PDE1C: variants seen among roughly 807,000 people sequenced by gnomAD.
The protein encoded by PDE1C is dual specificity calcium/calmodulin-dependent 3',5'-cyclic nucleotide phosphodiesterase 1C.
A neutral mutation model predicts 93.1 loss-of-function variants in PDE1C; 62 were observed. The ratio of observed to expected loss-of-function variants is 0.67; its 90% CI spans 0.54 to 0.82. PDE1C has a LOEUF of 0.82. PDE1C is among the 40% of genes least tolerant of loss of function. The probability of loss-of-function intolerance (pLI) is 0.00; values close to 1 mark genes in which losing one functional copy is unlikely to be tolerated. For missense variants in PDE1C, 742 were observed against 884.6 expected (o/e 0.84, Z 2.04); for synonymous variants, 325 against 310.1 (o/e 1.05, Z -0.50).
intron 1 of PDE1C, among the ~76,000 whole-genome samples, chr7:32,415,551 G>A (rs1480691106): frequency 1.3e-5 from 2 of 152,178 alleles, no homozygotes; most frequent in African/African-American, 4.8e-5. Flanking sequence ...ATTGGGGATT[G>A]TTTCATTATG....
At chr7:31,618,983 C>A in the PDE1C span, among the ~76,000 whole-genome samples, 5 of 152,268 alleles carry the variant, frequency 3.3e-5, no homozygotes, top group Middle Eastern at 3.4e-3. Context: ...CTGTGGAAGA[C>A]CTGATTCTTC....
At chr7:32,131,513 A>T (rs971345502) in intron 3 of PDE1C, among the ~76,000 whole-genome samples, 13 of 152,138 alleles carry the variant, frequency 8.5e-5, no homozygotes, top group Admixed American at 6.5e-5. Flanking sequence ...TCCAATAATG[A>T]ATCAGTGACC....
intron 16 of PDE1C, among the ~76,000 whole-genome samples, 193 bp from the exon 17 acceptor site, chr7:31,775,925 G>A (rs1795797725): frequency 6.6e-6 from 1 of 152,190 alleles, no homozygotes; most frequent in Non-Finnish European, 1.5e-5. Context: ...CTTTGTGTGT[G>A]TGACAGTACG....
At chr7:32,007,121 C>T (rs560809597) in intron 2 of PDE1C, among the ~76,000 whole-genome samples, 1 of 152,152 alleles carries the variant, frequency 6.6e-6, no homozygotes, top group Admixed American at 6.5e-5. Context: ...CCATCAGCAA[C>T]CTATTTTTTA....
rs375468573 is a variant in PDE1C at position 32,067,042 on chromosome 7, C to T, written c.101+3251G>A. Reference sequence around the variant, plus strand: ...CTGGAAATCACAGCTAGCCTCTGAGCGTTAGTGTGCAGAACCTCGCTCAAG... The same window carrying T: ...CTGGAAATCACAGCTAGCCTCTGAGTGTTAGTGTGCAGAACCTCGCTCAAG... On this transcript the variant is annotated intron_variant, in intron 1 of 17. Transcript: ENST00000396191. 9.2e-5 allele frequency among the ~76,000 whole-genome samples: 14 copies of T among 152,294 alleles called. No individual in the cohort carries two copies. The East Asian group carries it at 2.3e-3, about 25-fold the overall frequency.
intron 2 of PDE1C, among the ~76,000 whole-genome samples, chr7:32,192,737 A>G (rs1394401082): frequency 6.6e-6 from 1 of 152,150 alleles, no homozygotes; most frequent in African/African-American, 2.4e-5. Flanking sequence ...GGATCTTGAT[A>G]GAAATTGTGT....
chr7:31,738,441 T>G, the PDE1C span, among the ~76,000 whole-genome samples: 1 of 152,176 alleles, frequency 6.6e-6, no homozygotes, highest in Non-Finnish European at 1.5e-5. Flanking sequence ...CCGAGACTTA[T>G]TCACTACCAT....
intron 16 of PDE1C, among the ~76,000 whole-genome samples, chr7:31,792,519 A>G (rs1341072733): frequency 6.6e-6 from 1 of 152,114 alleles, no homozygotes; most frequent in East Asian, 1.9e-4. Flanking sequence ...ATTTTATTCA[A>G]TAGTAAGGTA....
At chr7:31,870,166 TAAAC>T (rs1356018987) in intron 6 of PDE1C, among the ~76,000 whole-genome samples, 1 of 151,650 alleles carries the variant, frequency 6.6e-6, no homozygotes, top group Non-Finnish European at 1.5e-5. Flanking sequence ...AAATTCCAAA[TAAAC>T]AATCTAACAC....
At chr7:32,266,456 A>T (rs1213781191) in intron 1 of PDE1C, among the ~76,000 whole-genome samples, 1 of 151,280 alleles carries the variant, frequency 6.6e-6, no homozygotes, top group Admixed American at 6.6e-5. Context: ...AGCCGAGATC[A>T]CACCACTGCA....
rs139715599 is a variant in PDE1C at position 31,811,122 on chromosome 7, G to C, written c.1814-2014C>G. Among the ~76,000 whole-genome samples the C allele has an allele frequency of 3.0e-3, 455 of 152,130 alleles. 3 individuals carry two copies. The highest frequency in any genetic ancestry group is 1.0e-2 in the African/African-American group (415 of 41,514). ...CCCAGTGGAAGAGAATTGAATCATG[G>C]GGGCAGTTTCCCCCATACTGTTCTT... On this transcript the variant is annotated intron_variant, in intron 15 of 17. Transcript: ENST00000396191.
At chr7:32,036,256 C>G (rs1459942885) in intron 2 of PDE1C, among the ~76,000 whole-genome samples, 1 of 152,158 alleles carries the variant, frequency 6.6e-6, no homozygotes, top group East Asian at 1.9e-4. Flanking sequence ...CCTGCCCCAG[C>G]ATATCCATCC....
intron 2 of PDE1C, among the ~76,000 whole-genome samples, chr7:32,001,969 G>A (rs1168689297): frequency 6.6e-6 from 1 of 152,190 alleles, no homozygotes; most frequent in Non-Finnish European, 1.5e-5. Context: ...TGAGGCAGGA[G>A]AATCACTTGA....
chr7:31,657,234 T>G, the PDE1C span, among the ~76,000 whole-genome samples: 1 of 51,940 alleles, frequency 1.9e-5, no homozygotes, highest in Non-Finnish European at 4.8e-5. Context: ...TGGCAACCAT[T>G]AAGGGATTGA....
intron 3 of PDE1C, among the ~76,000 whole-genome samples, chr7:32,167,635 A>T (rs1802384825): frequency 6.6e-6 from 1 of 152,176 alleles, no homozygotes; most frequent in Admixed American, 6.6e-5. Flanking sequence ...GTGAGGGACA[A>T]GAACCCCAAG....
At chr7:31,871,377 T>C (rs1562949993) in intron 6 of PDE1C, among the ~76,000 whole-genome samples, 2 of 151,916 alleles carry the variant, frequency 1.3e-5, no homozygotes, top group Non-Finnish European at 2.9e-5. Flanking sequence ...TGGGACTATA[T>C]TAAACTAAAA....
rs60514139 is a variant in PDE1C, at chr7:32,047,937, G to A, written c.128+3617C>T. On this transcript the variant is annotated intron_variant, in intron 2 of 17. Coordinates refer to ENST00000396191, the MANE Select transcript of PDE1C (RefSeq NM_001191057.4). Reference sequence around the variant, plus strand: ...AATTATTAACTCCAGCCAAATAACTGCAGTTAGAATTAAACTCACCAGTTA... The same window carrying A: ...AATTATTAACTCCAGCCAAATAACTACAGTTAGAATTAAACTCACCAGTTA... Among the ~76,000 whole-genome samples the A allele has an allele frequency of 4.3e-3, 651 of 152,232 alleles. 3 individuals are homozygous for A. The highest frequency in any genetic ancestry group is 0.015 in the African/African-American group (618 of 41,542).
At chr7:32,315,747 G>A (rs1385664238) in intron 1 of PDE1C, among the ~76,000 whole-genome samples, 1 of 152,210 alleles carries the variant, frequency 6.6e-6, no homozygotes, top group Admixed American at 6.5e-5. Context: ...TGTAATCCCA[G>A]CACTTTGGGA....
In PDE1C at chr7:31,954,891, T is replaced by C. The variant is rs1182916066; in HGVS notation, c.129-74031A>G. Among the ~76,000 whole-genome samples the C allele has an allele frequency of 3.9e-5, 6 of 152,348 alleles. No individual in the cohort carries two copies. The East Asian group carries it at 9.6e-4, about 24-fold the overall frequency. On this transcript the variant is annotated intron_variant, in intron 2 of 17. Transcript: ENST00000396191. The stretch of plus-strand genomic sequence containing the variant: ...TTGTAGTGTAGTACACAGATGTAAG[T>C]TTGAATGTTGATTCTGGGTAACTGG...
Sources: allele counts gnomAD v4.1 joint callset (sites outside exome capture counted in the v4.1 genomes callset), GRCh38; gene constraint gnomAD v4.1.1; transcripts MANE v1.5; gene names NCBI Gene and HGNC (gene_info 2026-07-23, HGNC 2026-07-21).